NFKB1: variants seen among roughly 807,000 people sequenced by gnomAD.
The protein encoded by NFKB1 is nuclear factor kappa B subunit 1.
NFKB1 carries 9 observed loss-of-function variants against 105.1 expected under a neutral mutation model. That is an observed-to-expected ratio of 0.09 (90% CI 0.05 to 0.15). The LOEUF (loss-of-function observed/expected upper bound fraction) is 0.15. NFKB1 is among the 10% of genes least tolerant of loss of function. NFKB1 has a pLI of 1.00. For synonymous variants in NFKB1, 440 were observed against 442.2 expected (o/e 1.00, Z 0.06); for missense variants, 830 against 1,203.7 (o/e 0.69, Z 4.59).
intron 4 of NFKB1, 196 bp from the exon 5 acceptor site, chr4:102,537,662 A>T: frequency 2.2e-6 from 1 of 456,040 alleles, no homozygotes; most frequent in South Asian, 2.6e-5. Context: ...TTAGTGTACA[A>T]ATATCAATTA....
rs1322127081 is a variant in NFKB1 at position 102,594,389 on chromosome 4, G to A, written c.1211-503G>A. 5.3e-5 allele frequency among the ~76,000 whole-genome samples: 8 copies of A among 152,188 alleles called. No individual in the cohort carries two copies. In the South Asian group the frequency reaches 6.2e-4, roughly 12 times the overall value. On this transcript the variant is annotated intron_variant, in intron 12 of 23. Coordinates refer to ENST00000226574, the MANE Select transcript of NFKB1 (RefSeq NM_003998.4). ...AGAGTCTTTGTAGTAAAATTACTAC[G>A]TCAGAGGGCATGACATCTAATGCCA...
rs981652467 is a variant in NFKB1, at chr4:102,610,474, A to G, written c.2228-101A>G. On this transcript the variant is annotated intron_variant, in intron 19 of 23. Coordinates refer to ENST00000226574, the MANE Select transcript of NFKB1 (RefSeq NM_003998.4). ...TAAAAATTATCCAGGAGATTGCCTC[A>G]AGCTGCTACATTGCTTTGCCTTTGG... is the stretch of plus-strand genomic sequence containing the variant. 7.8e-5 allele frequency: 97 copies of G among 1,250,100 alleles called. 2 individuals carry two copies. The South Asian group carries it at 1.6e-3, about 20-fold the overall frequency. The allele number at this position is 1,250,100 out of a possible 1,614,324, so 77.4% of individuals were successfully genotyped here. A position where few individuals can be genotyped will look rare whatever the true frequency, so the allele number is the denominator to read the frequency against.
rs796760990 is a variant in NFKB1, at chr4:102,572,837, T to G, written c.408-4039T>G. On this transcript the variant is annotated intron_variant, in intron 6 of 23. Transcript: ENST00000226574. ...TTAACCACGTATTTATCATTTGCAG[T>G]GCTGTTCATTCTGTTTCTTAGGTCA... 5.3e-5 allele frequency among the ~76,000 whole-genome samples: 8 copies of G among 152,352 alleles called. No homozygotes were observed. In the East Asian group the frequency reaches 9.6e-4, roughly 18 times the overall value.
chr4:102,576,826 T>C (rs778520507), intron 6 of NFKB1, 50 bp from the exon 7 acceptor site: 4 of 1,559,974 alleles, frequency 2.6e-6, no homozygotes, highest in Admixed American at 1.9e-5. Flanking sequence ...AGACATTAAG[T>C]GCCTAACTTT....
At chr4:102,575,819 G>A (rs1724773351) in intron 6 of NFKB1, among the ~76,000 whole-genome samples, 1 of 151,958 alleles carries the variant, frequency 6.6e-6, no homozygotes, top group African/African-American at 2.4e-5. Flanking sequence ...CTTCTAAATT[G>A]TATCGTATAA....
intron 4 of NFKB1, among the ~76,000 whole-genome samples, chr4:102,534,436 T>C (rs1457029430): frequency 6.6e-6 from 1 of 152,192 alleles, no homozygotes; most frequent in Non-Finnish European, 1.5e-5. Context: ...TCAGCCTCTT[T>C]GGAGTCAGGA....
chr4:102,566,220 T>C (rs1723854740), intron 5 of NFKB1, among the ~76,000 whole-genome samples: 1 of 152,228 alleles, frequency 6.6e-6, no homozygotes, highest in African/African-American at 2.4e-5. Flanking sequence ...ATTGCTATTG[T>C]CATCATTTTA....
chr4:102,563,361 T>C (rs1267610690), intron 5 of NFKB1, among the ~76,000 whole-genome samples: 2 of 152,006 alleles, frequency 1.3e-5, no homozygotes, highest in East Asian at 1.9e-4. Context: ...CAATAAAATA[T>C]GGCATGCAAA....
chr4:102,578,037 C>T (rs773201262), intron 7 of NFKB1: 5 of 965,802 alleles, frequency 5.2e-6, no homozygotes, highest in East Asian at 1.1e-4. Flanking sequence ...ATCTATTTCC[C>T]GTTTTGCCCC....
chr4:102,589,266 GATAA>G (rs984531356), intron 11 of NFKB1, among the ~76,000 whole-genome samples: 19 of 152,292 alleles, frequency 1.2e-4, no homozygotes, highest in African/African-American at 4.1e-4. Flanking sequence ...TATTTCTGAA[GATAA>G]ATAAGTTGCC....
rs1609993 is a variant in NFKB1 at position 102,593,501 on chromosome 4, T to G, written c.1143T>G (p.Ala381=). 1.9e-6 allele frequency: 3 copies of G among 1,613,636 alleles called. No homozygotes were observed. Among genetic ancestry groups the G allele is most frequent in the East Asian group, 2.2e-5 (1 of 44,862 alleles). ...FSDSFGGGSG[A]GAGGGGMFGS... The stretch of plus-strand genomic sequence containing the variant: ...ATAGTTTCGGCGGTGGTAGTGGTGC[T>G]GGAGCTGGAGGCGGAGGCATGTTTG... Residue 381 remains alanine (A), a synonymous_variant, in exon 12 of 24, where the codon GCT becomes GCG. Transcript: ENST00000226574.
intron 11 of NFKB1, 61 bp downstream of exon 11, chr4:102,584,881 TTTTG>T (rs1309006186): frequency 1.1e-5 from 15 of 1,419,880 alleles, no homozygotes; most frequent in African/African-American, 2.9e-5. Context: ...TTGGTTTTTG[TTTTG>T]TTTTGTTTTG....
chr4:102,574,065 C>CTGTTA (rs1387625122), intron 6 of NFKB1, among the ~76,000 whole-genome samples: 3 of 142,302 alleles, frequency 2.1e-5, no homozygotes, highest in Non-Finnish European at 3.1e-5. Context: ...CTTTCCATGC[C>CTGTTA]TGTTAGTTTT....
chr4:102,531,084 A>T (rs1372911175), intron 3 of NFKB1, among the ~76,000 whole-genome samples: 1 of 152,170 alleles, frequency 6.6e-6, no homozygotes, highest in African/African-American at 2.4e-5. Context: ...TGTATTACTG[A>T]AAATATAAGA....
intron 12 of NFKB1, among the ~76,000 whole-genome samples, chr4:102,594,498 G>A (rs1726442462): frequency 6.6e-6 from 1 of 152,106 alleles, no homozygotes; most frequent in African/African-American, 2.4e-5. Flanking sequence ...TTTCCATTGA[G>A]GAGTCAGTAT....
chr4:102,536,631 G>A (rs1399432578), intron 4 of NFKB1, among the ~76,000 whole-genome samples: 1 of 152,124 alleles, frequency 6.6e-6, no homozygotes, highest in Non-Finnish European at 1.5e-5. Context: ...ATTTGTTCAT[G>A]AGCTCAAAGC....
At chr4:102,604,890 T>G (rs1393110271) in intron 16 of NFKB1, among the ~76,000 whole-genome samples, 1 of 152,028 alleles carries the variant, frequency 6.6e-6, no homozygotes, top group Non-Finnish European at 1.5e-5. Context: ...GAAGGTATAA[T>G]TGTTTAAGAT....
chr4:102,532,577 G>A (rs1356013753), intron 3 of NFKB1, among the ~76,000 whole-genome samples: 2 of 152,066 alleles, frequency 1.3e-5, no homozygotes, highest in Non-Finnish European at 2.9e-5. Flanking sequence ...GTGGTGAGCC[G>A]AGATTGTGCC....
At chr4:102,526,470 CA>C (rs1227173371) in intron 2 of NFKB1, among the ~76,000 whole-genome samples, 18 of 152,088 alleles carry the variant, frequency 1.2e-4, no homozygotes, top group African/African-American at 4.3e-4. Context: ...ATGCATGTAA[CA>C]AAATTGCACT....
Sources: gnomAD v4.1 joint callset for allele counts (sites outside exome capture counted in the v4.1 genomes callset) on GRCh38, gnomAD v4.1.1 for gene constraint, MANE v1.5 for transcripts, NCBI Gene and HGNC (gene_info 2026-07-23, HGNC 2026-07-21) for gene names.